The following GPC6 variants were observed in gnomAD, a reference collection of about 807,000 sequenced individuals.
GPC6 encodes glypican-6.
A neutral mutation model predicts 55.2 loss-of-function variants in GPC6; 14 were observed. The observed-to-expected ratio is 0.25, with a 90% CI of 0.17 to 0.40. The LOEUF is 0.40. Among genes scored for constraint, GPC6 ranks in the 10% least tolerant of loss-of-function variants. GPC6 has a pLI of 1.00. For missense variants in GPC6, 641 were observed against 708.5 expected, an observed-to-expected ratio of 0.90 and a Z score of 1.08; for synonymous variants, 278 against 259.6, an observed-to-expected ratio of 1.07 and a Z score of -0.68.
At chr13:93,665,012 AG>A (rs1205437913) in intron 2 of GPC6, among the ~76,000 whole-genome samples, 2 of 152,244 alleles carry the variant, frequency 1.3e-5, no homozygotes, top group Non-Finnish European at 2.9e-5. Flanking sequence ...AAGTGAATGT[AG>A]CTTCATTATT....
At chr13:94,319,728 C>T (rs922676679) in intron 6 of GPC6, among the ~76,000 whole-genome samples, 31 of 152,172 alleles carry the variant, frequency 2.0e-4, no homozygotes, top group Non-Finnish European at 1.0e-4. Context: ...TCCTGGTTTC[C>T]ACTGCTGCTG....
chr13:94,346,817 T>A (rs1292406507), intron 6 of GPC6, among the ~76,000 whole-genome samples: 1 of 140,810 alleles, frequency 7.1e-6, no homozygotes, highest in African/African-American at 2.7e-5. Flanking sequence ...GATGGGAGAG[T>A]GAAGGAGGGA....
intron 1 of GPC6, among the ~76,000 whole-genome samples, chr13:93,440,049 A>G (rs557248635): frequency 6.6e-6 from 1 of 152,258 alleles, no homozygotes; most frequent in Non-Finnish European, 1.5e-5. Context: ...TTATTACAGT[A>G]TAGTAGAACA....
chr13:93,900,855 G>T (rs1030647814), intron 3 of GPC6, among the ~76,000 whole-genome samples: 1 of 152,182 alleles, frequency 6.6e-6, no homozygotes, highest in African/African-American at 2.4e-5. Flanking sequence ...AGTTAGCAAA[G>T]CATCAGAGAA....
At chr13:94,184,797 A>G (rs1375900823) in intron 4 of GPC6, among the ~76,000 whole-genome samples, 4 of 152,210 alleles carry the variant, frequency 2.6e-5, no homozygotes, top group Non-Finnish European at 5.9e-5. Flanking sequence ...CTGGGTATAC[A>G]TGCCAAGTGA....
intron 4 of GPC6, among the ~76,000 whole-genome samples, chr13:94,234,088 T>C (rs942718128): frequency 1.3e-5 from 2 of 152,078 alleles, no homozygotes; most frequent in Admixed American, 6.6e-5. Context: ...AACCATGGCC[T>C]ACATAATCTT....
chr13:94,290,215 A>C (rs1874878203), intron 5 of GPC6, among the ~76,000 whole-genome samples: 1 of 152,122 alleles, frequency 6.6e-6, no homozygotes, highest in African/African-American at 2.4e-5. Flanking sequence ...TGAGTCCATG[A>C]GTTCAAAAGC....
At chr13:94,371,910 T>C (rs1257994006) in intron 6 of GPC6, among the ~76,000 whole-genome samples, 2 of 152,156 alleles carry the variant, frequency 1.3e-5, no homozygotes, top group African/African-American at 2.4e-5. Flanking sequence ...AACATCATGA[T>C]CACACTTAAG....
At chr13:93,517,538 C>A (rs1322991974) in intron 1 of GPC6, among the ~76,000 whole-genome samples, 2 of 152,054 alleles carry the variant, frequency 1.3e-5, no homozygotes, top group Non-Finnish European at 2.9e-5. Flanking sequence ...AATTCATTCA[C>A]ATTTGGTGCT....
chr13:93,666,754 G>A (rs1412680949), intron 2 of GPC6, among the ~76,000 whole-genome samples: 3 of 152,072 alleles, frequency 2.0e-5, no homozygotes, highest in Non-Finnish European at 4.4e-5. Context: ...GATCAGCATT[G>A]TGTTAAAAGG....
At chr13:94,050,770 A>T (rs1883919964) in intron 4 of GPC6, among the ~76,000 whole-genome samples, 1 of 152,136 alleles carries the variant, frequency 6.6e-6, no homozygotes, top group South Asian at 2.1e-4. Flanking sequence ...GAGAGGGGAA[A>T]ACAGGCTTCC....
intron 1 of GPC6, among the ~76,000 whole-genome samples, chr13:93,541,992 T>C (rs1566413350): frequency 6.6e-6 from 1 of 152,226 alleles, no homozygotes; most frequent in Non-Finnish European, 1.5e-5. Flanking sequence ...ACTCTGCTGA[T>C]AGCTTCTTTT....
chr13:93,265,978 G>T (rs1594061196), intron 1 of GPC6, among the ~76,000 whole-genome samples: 1 of 151,966 alleles, frequency 6.6e-6, no homozygotes, highest in Non-Finnish European at 1.5e-5. Flanking sequence ...TTATATAACA[G>T]AAATTGGCAA....
chr13:94,149,618 G>A (rs759403320), intron 4 of GPC6, among the ~76,000 whole-genome samples: 51 of 152,044 alleles, frequency 3.4e-4, no homozygotes, highest in Non-Finnish European at 1.5e-4. Context: ...ATTTGGAATC[G>A]TGATGTTTCC....
intron 1 of GPC6, among the ~76,000 whole-genome samples, chr13:93,336,126 T>C (rs1880037813): frequency 6.6e-6 from 1 of 152,198 alleles, no homozygotes; most frequent in East Asian, 1.9e-4. Context: ...AGATAAACTG[T>C]TGTTGGCTTG....
At chr13:93,664,987 A>T (rs1481837476) in intron 2 of GPC6, among the ~76,000 whole-genome samples, 1 of 152,210 alleles carries the variant, frequency 6.6e-6, no homozygotes, top group Non-Finnish European at 1.5e-5. Flanking sequence ...AAGAAACCTC[A>T]TATACTTCTC....
At chr13:93,625,903 A>T (rs895736360) in intron 2 of GPC6, among the ~76,000 whole-genome samples, 1 of 152,144 alleles carries the variant, frequency 6.6e-6, no homozygotes, top group Non-Finnish European at 1.5e-5. Context: ...TGCTGTCCTC[A>T]TTGTGGGATC....
At chr13:93,902,751 A>C (rs943804090) in intron 3 of GPC6, among the ~76,000 whole-genome samples, 3 of 152,070 alleles carry the variant, frequency 2.0e-5, no homozygotes, top group African/African-American at 7.2e-5. Flanking sequence ...CAGGTGTTTC[A>C]TTGTGGTTTT....
At chr13:94,103,582 C>T (rs1438316781) in intron 4 of GPC6, among the ~76,000 whole-genome samples, 2 of 152,210 alleles carry the variant, frequency 1.3e-5, no homozygotes, top group African/African-American at 2.4e-5. Flanking sequence ...ACCATTCTAA[C>T]TGGTGTAAGA....
Sources: gnomAD v4.1 joint callset for allele counts (sites outside exome capture counted in the v4.1 genomes callset) on GRCh38, gnomAD v4.1.1 for gene constraint, MANE v1.5 for transcripts, NCBI Gene and HGNC (gene_info 2026-07-23, HGNC 2026-07-21) for gene names.